SH3BGRL2: variants seen among roughly 807,000 people sequenced by gnomAD.
SH3BGRL2 encodes SH3 domain binding glutamate rich protein like 2.
Under a neutral mutation model 14.8 loss-of-function variants are expected in SH3BGRL2, and 21 were observed. The ratio of observed to expected loss-of-function variants is 1.42; its 90% CI spans 1.01 to 2.05. The LOEUF (loss-of-function observed/expected upper bound fraction) is 2.05. Ranked by LOEUF, SH3BGRL2 falls within the 30% of genes most tolerant of loss-of-function variation. The pLI, the probability that SH3BGRL2 is intolerant of heterozygous loss-of-function variation, is 0.00. For missense variants in SH3BGRL2, 147 were observed against 130.8 expected (o/e 1.12, Z -0.61); for synonymous variants, 50 against 47.8 (o/e 1.05, Z -0.19).
At chr6:79,549,352 G>T in the SH3BGRL2 span, among the ~76,000 whole-genome samples, 1 of 152,200 alleles carries the variant, frequency 6.6e-6, no homozygotes, top group Non-Finnish European at 1.5e-5. Context: ...ATTTGCAAAG[G>T]CCAGTTCAAG....
chr6:79,642,542 T>C (rs934245864), intron 1 of SH3BGRL2, among the ~76,000 whole-genome samples: 1 of 152,086 alleles, frequency 6.6e-6, no homozygotes, highest in Non-Finnish European at 1.5e-5. Context: ...GGAGCCTTGA[T>C]TGGGATCAGC....
Position 79,635,958 on chromosome 6 carries a change from A to G in SH3BGRL2, c.45+4452A>G, listed in dbSNP as rs1768913631. 2.0e-5 allele frequency among the ~76,000 whole-genome samples: 3 copies of G among 152,206 alleles called. No individual in the cohort carries two copies. The South Asian group carries it at 6.2e-4, about 32-fold the overall frequency. On this transcript the variant is annotated intron_variant, in intron 1 of 3. Transcript: ENST00000369838. ...TTCCCTGTGTAAGGACACCTCAGAA[A>G]AGATTTCTACATCTTAAACTGATGA...
At chr6:79,542,792 A>G in the SH3BGRL2 span, among the ~76,000 whole-genome samples, 1 of 152,176 alleles carries the variant, frequency 6.6e-6, no homozygotes, top group Admixed American at 6.5e-5. Flanking sequence ...AAATGAGTAG[A>G]CTGAATGAAT....
chr6:79,620,205 T>A, the SH3BGRL2 span, among the ~76,000 whole-genome samples: 1 of 152,294 alleles, frequency 6.6e-6, no homozygotes, highest in African/African-American at 2.4e-5. Context: ...TGCTGGATAA[T>A]TATTTTGCAA....
Position 79,631,518 on chromosome 6 carries a change from G to A in SH3BGRL2, c.45+12G>A. On this transcript the variant is annotated intron_variant, in intron 1 of 3. Coordinates refer to ENST00000369838, the MANE Select transcript of SH3BGRL2 (RefSeq NM_031469.4). ...CGGGCTTCGTGGCGGTGAGCGCGGT[G>A]GGGGCGGGCAGTAGGTTGGGGTCGC... 4 of 1,456,358 alleles carry A rather than the reference G, an allele frequency of 2.7e-6. No individual in the cohort carries two copies. Among genetic ancestry groups the A allele is most frequent in the Admixed American group, 2.4e-5 (1 of 41,984 alleles). The allele number at this position is 1,456,358 out of a possible 1,614,324, so 90.2% of individuals were successfully genotyped here. A position where few individuals can be genotyped will look rare whatever the true frequency, so the allele number is the denominator to read the frequency against.
At chr6:79,606,947 C>A in the SH3BGRL2 span, among the ~76,000 whole-genome samples, 1 of 152,022 alleles carries the variant, frequency 6.6e-6, no homozygotes, top group Non-Finnish European at 1.5e-5. Flanking sequence ...GGAAAACATA[C>A]TTTGCTTCTT....
At position 79,668,659 on chromosome 6, in the gene SH3BGRL2, G is replaced by A. The variant is rs556356577; in HGVS notation, c.46-4955G>A. 1.6e-4 allele frequency among the ~76,000 whole-genome samples: 24 copies of A among 152,034 alleles called. No homozygotes were observed. The South Asian group carries it at 5.0e-3, about 32-fold the overall frequency. On this transcript the variant is annotated intron_variant, in intron 1 of 3. Transcript: ENST00000369838. Reference sequence around the variant, plus strand: ...GGTCGTAATGGGAAGCAGATTCAGGGAAATACCCTGAATCTCAATTGCCAT... The same window carrying A: ...GGTCGTAATGGGAAGCAGATTCAGGAAAATACCCTGAATCTCAATTGCCAT...
chr6:79,608,539 C>G, the SH3BGRL2 span, among the ~76,000 whole-genome samples: 1 of 152,168 alleles, frequency 6.6e-6, no homozygotes, highest in South Asian at 2.1e-4. Flanking sequence ...GTAACTGTTT[C>G]AAGAAGTTCT....
rs1210164358 is a variant in SH3BGRL2, at chr6:79,700,682, G to A, written c.*1173G>A. 1 of 152,178 alleles carries A rather than the reference G, an allele frequency of 6.6e-6. No homozygotes were observed. The highest frequency in any genetic ancestry group is 1.5e-5 in the Non-Finnish European group (1 of 68,032). 9.4% of individuals were successfully genotyped at this position (152,178 alleles called of 1,614,324 possible). A position where few individuals can be genotyped will look rare whatever the true frequency, so the allele number is the denominator to read the frequency against. ...ATGAGAAAGAGAGTAACCCGGAATTGTACTTGTCAAGCAAAATCTATACTC... is the reference window on the plus strand; with the variant it reads ...ATGAGAAAGAGAGTAACCCGGAATTATACTTGTCAAGCAAAATCTATACTC... On this transcript the variant is annotated 3_prime_UTR_variant, in exon 4 of 4. Transcript: ENST00000369838.
At chr6:79,615,050 G>A in the SH3BGRL2 span, among the ~76,000 whole-genome samples, 4 of 107,252 alleles carry the variant, frequency 3.7e-5, no homozygotes, top group Non-Finnish European at 8.7e-5. Context: ...ATAAGCGACT[G>A]ATAAGGCACT....
At chr6:79,538,442 C>A in the SH3BGRL2 span, among the ~76,000 whole-genome samples, 1 of 152,168 alleles carries the variant, frequency 6.6e-6, no homozygotes, top group Non-Finnish European at 1.5e-5. Context: ...GACTAACCCA[C>A]CCAAACAATA....
chr6:79,592,564 C>T, the SH3BGRL2 span, among the ~76,000 whole-genome samples: 1 of 152,018 alleles, frequency 6.6e-6, no homozygotes, highest in Non-Finnish European at 1.5e-5. Context: ...TGGGAGGAGG[C>T]AGTATTCTAG....
At chr6:79,661,909 C>G (rs1212059361) in intron 1 of SH3BGRL2, among the ~76,000 whole-genome samples, 1 of 152,126 alleles carries the variant, frequency 6.6e-6, no homozygotes, top group Non-Finnish European at 1.5e-5. Context: ...CTCTTTTGAT[C>G]TTTGTTGGTC....
chr6:79,537,695 A>G, the SH3BGRL2 span, among the ~76,000 whole-genome samples: 1 of 151,714 alleles, frequency 6.6e-6, no homozygotes, highest in Non-Finnish European at 1.5e-5. Context: ...TCCGAGAGGG[A>G]CGCGGGCGGA....
chr6:79,614,760 G>A, the SH3BGRL2 span, among the ~76,000 whole-genome samples: 1 of 152,164 alleles, frequency 6.6e-6, no homozygotes, highest in African/African-American at 2.4e-5. Flanking sequence ...GTGGGAAAAG[G>A]TATATGTTTT....
chr6:79,685,943 A>G (rs1196271607), intron 2 of SH3BGRL2, among the ~76,000 whole-genome samples: 1 of 152,198 alleles, frequency 6.6e-6, no homozygotes, highest in Non-Finnish European at 1.5e-5. Context: ...TCCTGAAAAT[A>G]ACTTTGTTAA....
intron 2 of SH3BGRL2, among the ~76,000 whole-genome samples, chr6:79,680,665 GTAT>G (rs1409806596): frequency 2.6e-5 from 4 of 151,926 alleles, no homozygotes; most frequent in Non-Finnish European, 5.9e-5. Context: ...ATTGCTTTGG[GTAT>G]TATTGACATC....
the SH3BGRL2 span, among the ~76,000 whole-genome samples, chr6:79,565,758 G>C: frequency 6.6e-6 from 1 of 152,132 alleles, no homozygotes; most frequent in Admixed American, 6.5e-5. Context: ...ACCAATTGAG[G>C]GAGATTCACT....
Position 79,647,919 on chromosome 6 carries a change from T to A in SH3BGRL2, c.45+16413T>A, listed in dbSNP as rs112507091. On this transcript the variant is annotated intron_variant, in intron 1 of 3. Transcript: ENST00000369838. ...TGTTTTAGACTTAATGACCCCTTTTTTCCATTTGTATGTATTTCCTGTAGT... is the reference window on the plus strand; with the variant it reads ...TGTTTTAGACTTAATGACCCCTTTTATCCATTTGTATGTATTTCCTGTAGT... Among the ~76,000 whole-genome samples, 1,356 of 152,142 alleles carry A rather than the reference T, an allele frequency of 8.9e-3. 16 individuals are homozygous for A. The highest frequency in any genetic ancestry group is 0.03 in the African/African-American group (1,265 of 41,510).
Sources: allele counts gnomAD v4.1 joint callset (sites outside exome capture counted in the v4.1 genomes callset), GRCh38; gene constraint gnomAD v4.1.1; transcripts MANE v1.5; gene names NCBI Gene and HGNC (gene_info 2026-07-23, HGNC 2026-07-21).